RBFOX1: variants seen among roughly 807,000 people sequenced by gnomAD.
RBFOX1 encodes RNA binding protein fox-1 homolog 1.
Under a neutral mutation model 57.7 loss-of-function variants are expected in RBFOX1, and 8 were observed. The ratio of observed to expected loss-of-function variants is 0.14; its 90% CI spans 0.08 to 0.25. The LOEUF (loss-of-function observed/expected upper bound fraction) is 0.25, where lower values mean the gene tolerates loss of function less well. RBFOX1 is among the 10% of genes least tolerant of loss of function. The pLI is 1.00. For missense variants in RBFOX1, 611 were observed against 548.5 expected, an observed-to-expected ratio of 1.11 and a Z score of -1.14; for synonymous variants, 326 against 222.4, an observed-to-expected ratio of 1.47 and a Z score of -4.15.
chr16:5,772,789 A>G (rs79182155), intron 3 of RBFOX1, among the ~76,000 whole-genome samples: 3,860 of 152,290 alleles, frequency 0.025, 170 homozygotes, highest in African/African-American at 0.087. Flanking sequence ...ACATGCAACA[A>G]ATAATAGCCT....
chr16:5,384,293 G>A (rs1957557195), intron 1 of RBFOX1, among the ~76,000 whole-genome samples: 1 of 151,220 alleles, frequency 6.6e-6, no homozygotes, highest in Admixed American at 6.6e-5. Flanking sequence ...TGTAGCAGCA[G>A]CAGTAGCAGC....
At chr16:6,129,296 A>G (rs954548274) in intron 1 of RBFOX1, among the ~76,000 whole-genome samples, 1 of 152,130 alleles carries the variant, frequency 6.6e-6, no homozygotes, top group African/African-American at 2.4e-5. Flanking sequence ...AAATGAATAA[A>G]CAAGGGATCC....
chr16:6,252,109 C>G lies in RBFOX1; in HGVS notation c.-126-64886C>G, dbSNP rs757591196. 7.2e-5 allele frequency among the ~76,000 whole-genome samples: 11 copies of G among 152,180 alleles called. 1 individual carries two copies. Among genetic ancestry groups the G allele is most frequent in the Middle Eastern group, 3.4e-3 (1 of 294 alleles). On this transcript the variant is annotated intron_variant, in intron 1 of 15. Coordinates refer to ENST00000550418, the MANE Select transcript of RBFOX1 (RefSeq NM_018723.4). ...TCCTCATGTTCTTCTCCAACTTCCC[C>G]TATGACAGTCCAGTCCTCCACATGG...
At chr16:6,270,721 A>G (rs999806797) in intron 1 of RBFOX1, among the ~76,000 whole-genome samples, 1 of 152,334 alleles carries the variant, frequency 6.6e-6, no homozygotes, top group African/African-American at 2.4e-5. Context: ...TTATCCATCA[A>G]CGAGGACTAA....
At chr16:5,574,408 A>G (rs1325620704) in intron 2 of RBFOX1, among the ~76,000 whole-genome samples, 6 of 142,136 alleles carry the variant, frequency 4.2e-5, no homozygotes, top group Non-Finnish European at 7.5e-5. Context: ...AAATTAGGAA[A>G]ATTGTTACTT....
rs2066060289 is a variant in RBFOX1, at chr16:5,378,922, A to T, written c.220-88294A>T. Among the ~76,000 whole-genome samples, 2 of 151,506 alleles carry T rather than the reference A, an allele frequency of 1.3e-5. 1 individual carries two copies. Among genetic ancestry groups the T allele is most frequent in the Non-Finnish European group, 2.9e-5 (2 of 68,022 alleles). On this transcript the variant is annotated intron_variant, in intron 1 of 2. Transcript: ENST00000585867. ...AGAGAGATTTCAAGGGCTTGGGATGACCTTTTCTCCACTGAAAACCATTCC... is the reference window on the plus strand; with the variant it reads ...AGAGAGATTTCAAGGGCTTGGGATGTCCTTTTCTCCACTGAAAACCATTCC...
intron 3 of RBFOX1, among the ~76,000 whole-genome samples, chr16:5,774,075 G>C (rs1045615844): frequency 6.6e-6 from 1 of 152,134 alleles, no homozygotes; most frequent in East Asian, 1.9e-4. Context: ...ACAATGTGAT[G>C]TCTGCTTTAT....
chr16:6,075,010 C>A (rs1000677338), intron 1 of RBFOX1, among the ~76,000 whole-genome samples: 1 of 152,102 alleles, frequency 6.6e-6, no homozygotes, highest in Non-Finnish European at 1.5e-5. Flanking sequence ...TGTCAGTGCC[C>A]ACCCTGAATA....
At chr16:6,322,179 G>A (rs1008536908) in intron 2 of RBFOX1, among the ~76,000 whole-genome samples, 18 of 152,202 alleles carry the variant, frequency 1.2e-4, no homozygotes, top group East Asian at 5.8e-4. Context: ...TCTTACTTAC[G>A]TATCTGGGAA....
At chr16:6,357,332 G>C (rs1055762987) in intron 2 of RBFOX1, among the ~76,000 whole-genome samples, 1 of 152,050 alleles carries the variant, frequency 6.6e-6, no homozygotes, top group Admixed American at 6.6e-5. Flanking sequence ...TGATTGAGAA[G>C]TTAGTGGCTA....
At chr16:6,269,132 A>C (rs999741752) in intron 1 of RBFOX1, among the ~76,000 whole-genome samples, 1 of 152,234 alleles carries the variant, frequency 6.6e-6, no homozygotes, top group African/African-American at 2.4e-5. Context: ...AACAATAAGC[A>C]TTAGTATGAC....
intron 3 of RBFOX1, among the ~76,000 whole-genome samples, chr16:6,884,474 A>G (rs868137704): frequency 6.6e-6 from 1 of 152,224 alleles, no homozygotes; most frequent in Non-Finnish European, 1.5e-5. Context: ...ATTAGTGGCT[A>G]CAAACTGTTA....
intron 4 of RBFOX1, among the ~76,000 whole-genome samples, chr16:5,974,196 G>A (rs916661030): frequency 2.6e-5 from 4 of 152,176 alleles, no homozygotes; most frequent in African/African-American, 9.7e-5. Context: ...ATCCAATTTG[G>A]TTTAGCCCTC....
At position 6,865,287 on chromosome 16, in the gene RBFOX1, G is replaced by C. The variant is rs186359512; in HGVS notation, c.-15-186770G>C. ...CACAGTACTGGGATTACAGACGTGA[G>C]CCACCGTGCCCGACCTGGAGTGGGT... On this transcript the variant is annotated intron_variant, in intron 3 of 15. Transcript: ENST00000550418. Among the ~76,000 whole-genome samples, 6 of 151,988 alleles carry C rather than the reference G, an allele frequency of 3.9e-5. No individual in the cohort carries two copies. The East Asian group carries it at 9.7e-4, about 25-fold the overall frequency.
At position 7,196,897 on chromosome 16, in the gene RBFOX1, C is replaced by G. The variant is rs192820131; in HGVS notation, c.27+144799C>G. ...CTGAGCCAAAGGTAAATATGCACAGCTAAATATAATTAGAGTGGTGTGCAG... is the reference window on the plus strand; with the variant it reads ...CTGAGCCAAAGGTAAATATGCACAGGTAAATATAATTAGAGTGGTGTGCAG... On this transcript the variant is annotated intron_variant, in intron 4 of 15. Transcript: ENST00000550418. Among the ~76,000 whole-genome samples the G allele has an allele frequency of 2.6e-3, 402 of 152,192 alleles. 2 individuals are homozygous for G. The highest frequency in any genetic ancestry group is 4.0e-3 in the Non-Finnish European group (274 of 68,004).
chr16:6,748,432 A>G (rs1032810168), intron 3 of RBFOX1, among the ~76,000 whole-genome samples: 1 of 152,150 alleles, frequency 6.6e-6, no homozygotes, highest in African/African-American at 2.4e-5. Flanking sequence ...AGGCCGAGGC[A>G]GGAGGATTGC....
At chr16:5,710,112 G>A (rs4786763) in intron 3 of RBFOX1, among the ~76,000 whole-genome samples, 81,801 of 150,912 alleles carry the variant, frequency 0.54, 25,757 homozygotes, top group Non-Finnish European at 0.72. Flanking sequence ...GTTATCTGAA[G>A]ATGCATGTGA....
chr16:6,628,176 A>G (rs994470665), intron 2 of RBFOX1, among the ~76,000 whole-genome samples: 7 of 152,178 alleles, frequency 4.6e-5, no homozygotes, highest in African/African-American at 1.7e-4. Context: ...CTTCCTGCTT[A>G]CGGGTACCTT....
intron 3 of RBFOX1, among the ~76,000 whole-genome samples, chr16:5,857,693 G>A (rs373515099): frequency 7.9e-5 from 12 of 151,956 alleles, no homozygotes; most frequent in African/African-American, 2.2e-4. Flanking sequence ...AGGCCAAGAC[G>A]GGCAGAACAC....
Sources: gnomAD v4.1 joint callset for allele counts (sites outside exome capture counted in the v4.1 genomes callset) on GRCh38, gnomAD v4.1.1 for gene constraint, MANE v1.5 for transcripts, NCBI Gene and HGNC (gene_info 2026-07-23, HGNC 2026-07-21) for gene names.